ARHGAP12: variants seen among roughly 807,000 people sequenced by gnomAD.
The protein encoded by ARHGAP12 is rho GTPase-activating protein 12.
In ARHGAP12, 64 loss-of-function variants were observed where a neutral mutation model predicts 108.6. The observed-to-expected ratio is 0.59, with a 90% CI of 0.48 to 0.73. The LOEUF is 0.73. Ranked by LOEUF, ARHGAP12 falls within the 30% of genes least tolerant of loss-of-function variation. The pLI, the probability that ARHGAP12 is intolerant of heterozygous loss-of-function variation, is 0.00. For missense variants in ARHGAP12, 940 were observed against 1,005.9 expected, an observed-to-expected ratio of 0.93 and a Z score of 0.89; for synonymous variants, 312 against 337.2, an observed-to-expected ratio of 0.93 and a Z score of 0.82.
intron 9 of ARHGAP12, among the ~76,000 whole-genome samples, chr10:31,835,616 G>A (rs1592270509): frequency 1.3e-5 from 2 of 152,126 alleles, no homozygotes; most frequent in South Asian, 4.1e-4. Context: ...AGTAAAGTAG[G>A]TACTTCTCAA....
In ARHGAP12 at chr10:31,839,730, G is replaced by GA; in HGVS notation, c.1297-20dup. 6.4e-7 allele frequency: 1 copy of GA among 1,571,226 alleles called. No individual in the cohort carries two copies. Among genetic ancestry groups the GA allele is most frequent in the South Asian group, 1.1e-5 (1 of 88,244 alleles). Reference sequence around the variant, plus strand: ...GAGATTCCTACAAGAAATAAGTAATGAAAAAAGTTACTCTATTTTATATAA... The same window carrying GA: ...GAGATTCCTACAAGAAATAAGTAATGAAAAAAAGTTACTCTATTTTATATAA... On this transcript the variant is annotated intron_variant, in intron 7 of 19. Coordinates refer to ENST00000344936, the MANE Select transcript of ARHGAP12 (RefSeq NM_018287.7).
At chr10:31,895,403 G>GA (rs1362715808) in intron 3 of ARHGAP12, among the ~76,000 whole-genome samples, 1 of 151,646 alleles carries the variant, frequency 6.6e-6, no homozygotes, top group East Asian at 1.9e-4. Flanking sequence ...AAATTTACAA[G>GA]AAAAAACCCC....
chr10:31,902,432 C>G (rs377565829), intron 3 of ARHGAP12, among the ~76,000 whole-genome samples: 152 of 151,742 alleles, frequency 1.0e-3, no homozygotes, highest in African/African-American at 3.4e-3. Flanking sequence ...TCCCAATACA[C>G]TGGGAGGCTG....
chr10:31,923,627 C>A (rs775887906), intron 1 of ARHGAP12, among the ~76,000 whole-genome samples: 49 of 152,184 alleles, frequency 3.2e-4, no homozygotes, highest in Non-Finnish European at 4.9e-4. Context: ...ATACACACAG[C>A]AAACTGGGTG....
rs532869395 is a variant in ARHGAP12 at position 31,923,777 on chromosome 10, C to T, written c.-111+4906G>A. Among the ~76,000 whole-genome samples, 38 of 152,158 alleles carry T rather than the reference C, an allele frequency of 2.5e-4. 1 individual carries two copies. In the South Asian group the frequency reaches 7.9e-3, roughly 32 times the overall value. ...GTGACAGAAAGCAGAGCAATAGTTG[C>T]CAAGGGACATGGGGAATGAATCACA... On this transcript the variant is annotated intron_variant, in intron 1 of 19. Transcript: ENST00000344936.
At chr10:31,906,418 T>C (rs962227175) in intron 3 of ARHGAP12, among the ~76,000 whole-genome samples, 3 of 152,148 alleles carry the variant, frequency 2.0e-5, no homozygotes, top group African/African-American at 7.2e-5. Context: ...GGTTCAGTGA[T>C]TTTCCCCAAT....
chr10:31,826,292 A>G lies in ARHGAP12; in HGVS notation c.1530+12T>C. ...TAAATGTATAAAATCTCCAAAGAGA[A>G]GAAATACTTACCCAACTTGTGCTAC... On this transcript the variant is annotated intron_variant, in intron 11 of 19. Coordinates refer to ENST00000344936, the MANE Select transcript of ARHGAP12 (RefSeq NM_018287.7). 6.3e-7 allele frequency: 1 copy of G among 1,596,708 alleles called. No homozygotes were observed. The highest frequency in any genetic ancestry group is 1.1e-5 in the South Asian group (1 of 88,682).
chr10:31,818,977 G>C (rs1835310931), intron 12 of ARHGAP12, among the ~76,000 whole-genome samples: 1 of 151,944 alleles, frequency 6.6e-6, no homozygotes, highest in African/African-American at 2.4e-5. Flanking sequence ...TACCAATATT[G>C]AATGTTTACT....
At position 31,854,093 on chromosome 10, in the gene ARHGAP12, T is replaced by G. The variant is rs1299298549; in HGVS notation, c.1062A>C (p.Leu354Phe). ...TTTCATTAGTATAGTCACTGGTATA[T>G]AAGGTATGCCCACGTTCATCCAACT... ...SEELDERGHT[L>F]YTSDYTNEKW... The change falls in exon 5 of 20, where the codon TTA becomes TTC. Residue 354 changes from leucine to phenylalanine, a missense_variant. Physicochemically the swap from Leu to Phe is conservative, Grantham distance 22 (BLOSUM62 0). Coordinates refer to ENST00000344936, the MANE Select transcript of ARHGAP12 (RefSeq NM_018287.7). The G allele has an allele frequency of 6.2e-7, 1 of 1,612,980 alleles. No homozygotes were observed. The highest frequency in any genetic ancestry group is 1.1e-5 in the South Asian group (1 of 90,712).
At chr10:31,916,628 T>G (rs1458113360) in intron 1 of ARHGAP12, among the ~76,000 whole-genome samples, 1 of 152,160 alleles carries the variant, frequency 6.6e-6, no homozygotes, top group Non-Finnish European at 1.5e-5. Context: ...AATGTATCTT[T>G]TTTTTGGAGA....
chr10:31,903,259 C>A (rs1839000586), intron 3 of ARHGAP12, among the ~76,000 whole-genome samples: 2 of 152,156 alleles, frequency 1.3e-5, no homozygotes, highest in Admixed American at 6.5e-5. Flanking sequence ...TATTATTGTA[C>A]TGAATACTGT....
chr10:31,833,270 CA>C (rs1835898685), intron 9 of ARHGAP12, among the ~76,000 whole-genome samples: 1 of 148,706 alleles, frequency 6.7e-6, no homozygotes, highest in Non-Finnish European at 1.5e-5. Context: ...GGGAACTCAG[CA>C]ATTGGAAAGG....
chr10:31,857,843 G>A (rs1429920553), intron 4 of ARHGAP12, among the ~76,000 whole-genome samples: 1 of 152,146 alleles, frequency 6.6e-6, no homozygotes, highest in African/African-American at 2.4e-5. Flanking sequence ...AAAAGTAAAA[G>A]TAAAATAAAT....
chr10:31,914,667 G>C (rs144407810), intron 1 of ARHGAP12, among the ~76,000 whole-genome samples: 70 of 152,230 alleles, frequency 4.6e-4, no homozygotes, highest in African/African-American at 1.6e-3. Flanking sequence ...GTGGAGAAAG[G>C]GGAACCTTTA....
In ARHGAP12 at chr10:31,808,743, G is replaced by A; in HGVS notation, c.2272C>T (p.Pro758Ser). ...TTAACAGCAGCGACTCGCTGTCTTG[G>A]TTCTTGCTCTGAAAAAAGATAATAA... ...NDFVNAIKQE[P>S]RQRVAAVKDL... Residue 758 changes from proline (P) to serine (S), a missense_variant, in exon 19 of 20, where the codon CCA becomes TCA. By Grantham distance (74) the Pro-to-Ser change is moderately conservative (BLOSUM62 -1). Coordinates refer to ENST00000344936, the MANE Select transcript of ARHGAP12 (RefSeq NM_018287.7). 6.2e-7 allele frequency: 1 copy of A among 1,613,498 alleles called. No homozygotes were observed. Among genetic ancestry groups the A allele is most frequent in the Non-Finnish European group, 8.5e-7 (1 of 1,179,686 alleles).
At chr10:31,916,928 T>TCTTA (rs1839581043) in intron 1 of ARHGAP12, among the ~76,000 whole-genome samples, 2 of 152,094 alleles carry the variant, frequency 1.3e-5, no homozygotes, top group African/African-American at 4.8e-5. Flanking sequence ...ACATAATGTA[T>TCTTA]CTTAATTAGT....
chr10:31,853,182 T>C (rs1214740149), intron 5 of ARHGAP12, among the ~76,000 whole-genome samples: 1 of 152,202 alleles, frequency 6.6e-6, no homozygotes, highest in African/African-American at 2.4e-5. Context: ...AAGCAACATA[T>C]AACATACGAT....
intron 3 of ARHGAP12, among the ~76,000 whole-genome samples, chr10:31,894,063 A>G (rs990094656): frequency 6.6e-6 from 1 of 152,070 alleles, no homozygotes; most frequent in Non-Finnish European, 1.5e-5. Flanking sequence ...CATGCTAAAA[A>G]CTCTCAATAA....
intron 1 of ARHGAP12, among the ~76,000 whole-genome samples, chr10:31,917,951 AC>A (rs1266282680): frequency 2.0e-5 from 3 of 147,050 alleles, no homozygotes; most frequent in Non-Finnish European, 4.6e-5. Context: ...AATATCAAAT[AC>A]CTTTTTTTTT....
Sources: gnomAD v4.1 joint callset for allele counts (sites outside exome capture counted in the v4.1 genomes callset) on GRCh38, gnomAD v4.1.1 for gene constraint, MANE v1.5 for transcripts, NCBI Gene and HGNC (gene_info 2026-07-23, HGNC 2026-07-21) for gene names.